APOL3: variants seen among roughly 807,000 people sequenced by gnomAD.
APOL3 encodes the protein TNF-inducible protein CG12-1.
A neutral mutation model predicts 11.6 loss-of-function variants in APOL3; 14 were observed. That is an observed-to-expected ratio of 1.21 (90% CI 0.80 to 1.89). APOL3 has a LOEUF of 1.89. APOL3 is among the 40% of genes most tolerant of loss of function. The pLI, the probability that APOL3 is intolerant of heterozygous loss-of-function variation, is 0.00. For missense variants in APOL3, 483 were observed against 492.1 expected (o/e 0.98, Z 0.17); for synonymous variants, 192 against 190.6 (o/e 1.01, Z -0.06).
chr22:36,145,753 C>T (rs2060176382), intron 1 of APOL3, among the ~76,000 whole-genome samples, 154 bp from the exon 3 acceptor site: 1 of 152,026 alleles, frequency 6.6e-6, no homozygotes, highest in Admixed American at 6.5e-5. Context: ...AGTTGTGTGC[C>T]CTCCAAATTC....
chr22:36,158,816 GA>G (rs960893643), intron 1 of APOL3, among the ~76,000 whole-genome samples: 6 of 151,572 alleles, frequency 4.0e-5, no homozygotes, highest in Non-Finnish European at 5.9e-5. Context: ...GACTCCGTCA[GA>G]AAAAAAAGAC....
At chr22:36,162,435 T>C (rs2013751393), upstream of APOL3, among the ~76,000 whole-genome samples, 1 of 152,150 alleles carries the variant, frequency 6.6e-6, no homozygotes, top group Admixed American at 6.5e-5. Context: ...AGCCCCAGAG[T>C]GGGCTTTTCT....
chr22:36,161,817 C>T (rs2013713757), upstream of APOL3, among the ~76,000 whole-genome samples: 1 of 151,818 alleles, frequency 6.6e-6, no homozygotes, highest in Non-Finnish European at 1.5e-5. Context: ...GCTTTTCAAG[C>T]TCTCTGAGTT....
chr22:36,161,254 G>A (rs369144967), upstream of APOL3, among the ~76,000 whole-genome samples: 26 of 151,986 alleles, frequency 1.7e-4, no homozygotes, highest in African/African-American at 5.8e-4. Flanking sequence ...GCTGGAGTGC[G>A]GTGGCACAAT....
At position 36,145,616 on chromosome 22, in the gene APOL3, A is replaced by G; in HGVS notation, c.224-17T>C. 2 of 1,612,720 alleles carry G rather than the reference A, an allele frequency of 1.2e-6. No individual in the cohort carries two copies. The highest frequency in any genetic ancestry group is 1.7e-6 in the Non-Finnish European group (2 of 1,179,532). On this transcript the variant is annotated splice_polypyrimidine_tract_variant and intron_variant, in intron 1 of 2. Coordinates refer to ENST00000349314, the Ensembl canonical transcript of APOL3. ...GTTTCTTTTCTACTTGGAAACAAAA[A>G]GCATAAGATTGGAAGAAAGTGTGCT...
upstream of APOL3, among the ~76,000 whole-genome samples, chr22:36,161,139 C>T (rs1390508165): frequency 1.3e-5 from 2 of 152,236 alleles, no homozygotes; most frequent in African/African-American, 4.8e-5. Context: ...GTCCATCACA[C>T]ATGCCGGGTG....
chr22:36,164,547 A>G (rs1302578503), upstream of APOL3: 1 of 152,144 alleles, frequency 6.6e-6, no homozygotes, highest in African/African-American at 2.4e-5. Flanking sequence ...TTTCCACCCA[A>G]TTATGTGTCA....
chr22:36,156,059 A>G, intron 1 of APOL3: 1 of 220,792 alleles, frequency 4.5e-6, no homozygotes, highest in Non-Finnish European at 9.5e-6. Context: ...AGAGAGGGAG[A>G]GAGGGGTGAA....
At chr22:36,149,122 G>T (rs763899964) in intron 1 of APOL3, 8 of 1,367,810 alleles carry the variant, frequency 5.8e-6, no homozygotes, top group Non-Finnish European at 6.8e-6. Flanking sequence ...TGACTGGAAG[G>T]GTTCGTTTTT....
intron 1 of APOL3, among the ~76,000 whole-genome samples, chr22:36,147,900 G>A (rs993002681): frequency 1.3e-5 from 2 of 152,182 alleles, no homozygotes; most frequent in African/African-American, 2.4e-5. Context: ...AACTGGAGTC[G>A]TTTCAGATGG....
intron 1 of APOL3, among the ~76,000 whole-genome samples, chr22:36,146,687 T>G (rs2060233320): frequency 6.6e-6 from 1 of 152,044 alleles, no homozygotes; most frequent in African/African-American, 2.4e-5. Flanking sequence ...CACTGACCAC[T>G]CCCACACTGG....
At chr22:36,151,964 A>G (rs57138150) in intron 1 of APOL3, among the ~76,000 whole-genome samples, 2,202 of 151,566 alleles carry the variant, frequency 0.015, 44 homozygotes, top group African/African-American at 0.051. Context: ...TGAGCTGTGG[A>G]GGCTGAGAGG....
At chr22:36,142,545 G>T (rs909133888) in intron 2 of APOL3, among the ~76,000 whole-genome samples, 2 of 152,176 alleles carry the variant, frequency 1.3e-5, no homozygotes, top group African/African-American at 4.8e-5. Context: ...GTCCTGCCTG[G>T]TAGGAACATC....
upstream of APOL3, chr22:36,164,854 A>G (rs995484126): frequency 2.0e-5 from 3 of 152,138 alleles, no homozygotes; most frequent in Non-Finnish European, 2.9e-5. Context: ...TTCCTCTTTC[A>G]TTCTGTCAAG....
chr22:36,155,125 T>C (rs936234503), intron 1 of APOL3, among the ~76,000 whole-genome samples: 12 of 152,268 alleles, frequency 7.9e-5, no homozygotes, highest in Non-Finnish European at 1.8e-4. Flanking sequence ...TCTAGAGACT[T>C]CCATGGTTTC....
intron 2 of APOL3, among the ~76,000 whole-genome samples, chr22:36,145,197 G>A (rs552432490): frequency 3.8e-4 from 58 of 152,272 alleles, no homozygotes; most frequent in African/African-American, 9.9e-4. Context: ...AAGAAAGGAA[G>A]GCAGAAAGTA....
chr22:36,153,388 A>C (rs1312425348), intron 1 of APOL3: 1 of 456,214 alleles, frequency 2.2e-6, no homozygotes, highest in East Asian at 6.9e-5. Context: ...GAGAAATGTC[A>C]GCTTCAGAGA....
At chr22:36,157,322 TC>T (rs1178385817) in intron 1 of APOL3, among the ~76,000 whole-genome samples, 2 of 152,192 alleles carry the variant, frequency 1.3e-5, no homozygotes, top group African/African-American at 4.8e-5. Flanking sequence ...AGAGGTCATT[TC>T]CTTCCTGCAC....
chr22:36,142,016 T>A, exon 3 of APOL3: 2 of 1,614,058 alleles, frequency 1.2e-6, no homozygotes, highest in Non-Finnish European at 1.7e-6. Flanking sequence ...CTGCATATGT[T>A]CTAAGCTTCT....
Sources: gnomAD v4.1 joint callset for allele counts (sites outside exome capture counted in the v4.1 genomes callset) on GRCh38, gnomAD v4.1.1 for gene constraint, MANE v1.5 for transcripts, NCBI Gene and HGNC (gene_info 2026-07-23, HGNC 2026-07-21) for gene names.